NR2F1-AS1: variants seen among roughly 807,000 people sequenced by gnomAD.
NR2F1-AS1 encodes NR2F1 antisense RNA 1.
At chr5:93,544,448 GA>G (rs1240328302) in intron 4 of NR2F1-AS1, among the ~76,000 whole-genome samples, 2 of 152,044 alleles carry the variant, frequency 1.3e-5, no homozygotes, top group African/African-American at 4.8e-5. Context: ...TCTTGGAGAA[GA>G]AACAGACATC....
chr5:93,483,787 A>G (rs115330160), intron 4 of NR2F1-AS1, among the ~76,000 whole-genome samples: 2,201 of 152,328 alleles, frequency 0.014, 62 homozygotes, highest in African/African-American at 0.05. Flanking sequence ...ACACAGCATA[A>G]GAACTTCGTG....
chr5:93,433,023 T>C (rs1055287091), intron 4 of NR2F1-AS1, among the ~76,000 whole-genome samples: 2 of 152,238 alleles, frequency 1.3e-5, no homozygotes, highest in African/African-American at 2.4e-5. Flanking sequence ...TTTTGATATA[T>C]GCATTATTCA....
intron 4 of NR2F1-AS1, among the ~76,000 whole-genome samples, chr5:93,547,336 A>T (rs1410921914): frequency 6.6e-6 from 1 of 152,212 alleles, no homozygotes; most frequent in East Asian, 1.9e-4. Flanking sequence ...AGTTTTAACT[A>T]AAACAATGCC....
At chr5:93,506,410 G>GT in intron 4 of NR2F1-AS1, among the ~76,000 whole-genome samples, 1 of 152,114 alleles carries the variant, frequency 6.6e-6, no homozygotes, top group South Asian at 2.1e-4. Context: ...ACATTTTCAG[G>GT]TATCTTTTCA....
chr5:93,429,983 GTTA>G (rs1749276701), intron 4 of NR2F1-AS1, among the ~76,000 whole-genome samples: 1 of 152,166 alleles, frequency 6.6e-6, no homozygotes. Flanking sequence ...TTCTATTCAT[GTTA>G]TTATCTTATG....
chr5:93,555,754 T>C (rs1580329599), intron 2 of NR2F1-AS1, among the ~76,000 whole-genome samples: 1 of 152,164 alleles, frequency 6.6e-6, no homozygotes, highest in Non-Finnish European at 1.5e-5. Flanking sequence ...CAGGTACATA[T>C]TTAGACAATA....
chr5:93,503,820 T>C (rs1403922533), intron 4 of NR2F1-AS1, among the ~76,000 whole-genome samples: 1 of 152,210 alleles, frequency 6.6e-6, no homozygotes, highest in African/African-American at 2.4e-5. Flanking sequence ...TTTCAAGGCT[T>C]GTGGCTGGTT....
intron 4 of NR2F1-AS1, among the ~76,000 whole-genome samples, chr5:93,484,594 C>T (rs1750676385): frequency 6.6e-6 from 1 of 152,090 alleles, no homozygotes; most frequent in Non-Finnish European, 1.5e-5. Context: ...CAAATTCACA[C>T]AGAACAATAT....
chr5:93,564,994 A>C (rs1752583129), intron 1 of NR2F1-AS1, among the ~76,000 whole-genome samples: 1 of 152,192 alleles, frequency 6.6e-6, no homozygotes, highest in Non-Finnish European at 1.5e-5. Flanking sequence ...TTTTCCCTAC[A>C]GAAAAGATAG....
intron 4 of NR2F1-AS1, among the ~76,000 whole-genome samples, chr5:93,508,139 A>G (rs1457153054): frequency 1.3e-5 from 2 of 152,198 alleles, no homozygotes; most frequent in Non-Finnish European, 2.9e-5. Context: ...CACATGTAAA[A>G]GAAAAGACTG....
chr5:93,410,924 C>CAA (rs35504496), intron 4 of NR2F1-AS1: 1 of 151,522 alleles, frequency 6.6e-6, no homozygotes, highest in African/African-American at 2.4e-5. Flanking sequence ...AGCCCAACAA[C>CAA]AAAAAAAAGG....
At chr5:93,546,632 A>T (rs1473573983) in intron 4 of NR2F1-AS1, among the ~76,000 whole-genome samples, 3 of 152,180 alleles carry the variant, frequency 2.0e-5, no homozygotes, top group Non-Finnish European at 4.4e-5. Context: ...TTGTTAATGA[A>T]CAAATGGATG....
chr5:93,585,055 C>A (rs1276892077), upstream of NR2F1-AS1: 1 of 1,037,174 alleles, frequency 9.6e-7, no homozygotes, highest in East Asian at 8.8e-5. Flanking sequence ...TGGCGAGATC[C>A]GCAGGACGAC....
At chr5:93,474,752 T>G (rs1208264046) in intron 4 of NR2F1-AS1, among the ~76,000 whole-genome samples, 1 of 152,182 alleles carries the variant, frequency 6.6e-6, no homozygotes, top group Non-Finnish European at 1.5e-5. Context: ...AATTACCTGC[T>G]AAAGGCCAAG....
At chr5:93,576,453 T>C (rs1752897412) in intron 1 of NR2F1-AS1, among the ~76,000 whole-genome samples, 1 of 151,632 alleles carries the variant, frequency 6.6e-6, no homozygotes, top group South Asian at 2.1e-4. Context: ...TCATTTAAAC[T>C]TTAGCTAAAC....
chr5:93,496,988 G>A lies in NR2F1-AS1; in HGVS notation n.638+56773C>T, dbSNP rs865803499. On this transcript the variant is annotated intron_variant and non_coding_transcript_variant, in intron 4 of 5. Transcript: ENST00000660523. ...TTCAATAAGGCAGCCTGCATGCAGA[G>A]AAAGCTGAATGAGAAGAAACCCAAA... 1.3e-4 allele frequency among the ~76,000 whole-genome samples: 20 copies of A among 152,304 alleles called. No homozygotes were observed. In the Middle Eastern group the frequency reaches 0.01, roughly 78 times the overall value.
intron 4 of NR2F1-AS1, among the ~76,000 whole-genome samples, chr5:93,472,615 A>G (rs1322646451): frequency 6.6e-6 from 1 of 151,880 alleles, no homozygotes; most frequent in East Asian, 1.9e-4. Context: ...TTAGGTAGAA[A>G]AATCTGTGGG....
intron 4 of NR2F1-AS1, among the ~76,000 whole-genome samples, chr5:93,526,604 A>C (rs749239763): frequency 6.6e-6 from 1 of 152,208 alleles, no homozygotes; most frequent in Non-Finnish European, 1.5e-5. Flanking sequence ...TCAATAAAAT[A>C]CCAGCAAACC....
intron 4 of NR2F1-AS1, among the ~76,000 whole-genome samples, chr5:93,525,870 A>G (rs777624049): frequency 9.2e-5 from 14 of 152,208 alleles, no homozygotes; most frequent in Non-Finnish European, 1.9e-4. Context: ...TTTAGAGGGA[A>G]ATTTATAGCA....
Sources: allele counts gnomAD v4.1 joint callset (sites outside exome capture counted in the v4.1 genomes callset), GRCh38; gene constraint gnomAD v4.1.1; transcripts MANE v1.5; gene names NCBI Gene and HGNC (gene_info 2026-07-23, HGNC 2026-07-21).